Variants in KCNK16 observed in about 807,000 individuals in gnomAD.
The protein encoded by KCNK16 is potassium channel subfamily K member 16.
KCNK16 carries 23 observed loss-of-function variants against 23.0 expected under a neutral mutation model. The observed-to-expected ratio is 1.00, with a 90% confidence interval of 0.72 to 1.41. KCNK16 has a LOEUF of 1.41. Among genes scored for constraint, KCNK16 ranks in the 40% most tolerant of loss-of-function variants. The probability of loss-of-function intolerance (pLI) is 0.00; values close to 1 mark genes in which losing one functional copy is unlikely to be tolerated. For synonymous variants in KCNK16, 145 were observed against 153.5 expected (o/e 0.94, Z 0.41); for missense variants, 327 against 365.8 (o/e 0.89, Z 0.87).
chr6:39,320,129 C>T (rs1224537239), intron 1 of KCNK16, among the ~76,000 whole-genome samples: 1 of 152,152 alleles, frequency 6.6e-6, no homozygotes, highest in Non-Finnish European at 1.5e-5. Flanking sequence ...AACCAGTTCC[C>T]GCTGGCTGGG....
downstream of KCNK16, chr6:39,315,570 C>T (rs868479495): frequency 4.5e-5 from 31 of 693,310 alleles, no homozygotes; most frequent in Middle Eastern, 4.0e-4. Context: ...TGCCCCTCGG[C>T]TGAGAGCTTC....
intron 2 of KCNK16, among the ~76,000 whole-genome samples, chr6:39,318,756 G>A (rs1422582208): frequency 3.9e-5 from 6 of 152,126 alleles, no homozygotes; most frequent in Admixed American, 3.9e-4. Flanking sequence ...CTTGTCCCTC[G>A]CTGGACCGTT....
intron 1 of KCNK16, among the ~76,000 whole-genome samples, chr6:39,320,426 G>A (rs1762473311): frequency 1.3e-5 from 2 of 152,198 alleles, no homozygotes; most frequent in African/African-American, 4.8e-5. Flanking sequence ...GAGTGCCGGT[G>A]GGCGGATGCA....
At chr6:39,314,957 T>C (rs199976610), downstream of KCNK16, 39 of 1,513,452 alleles carry the variant, frequency 2.6e-5, no homozygotes, top group Non-Finnish European at 3.4e-5. Context: ...TCCCTCTACC[T>C]GGAGTGGAGG....
Position 39,316,204 on chromosome 6 carries a change from C to A in KCNK16, c.*15G>T, listed in dbSNP as rs1535499. 4.7e-6 allele frequency: 7 copies of A among 1,484,158 alleles called. No homozygotes were observed. Among genetic ancestry groups the A allele is most frequent in the East Asian group, 2.5e-5 (1 of 39,756 alleles). The allele number at this position is 1,484,158 out of a possible 1,614,324, so 91.9% of individuals were successfully genotyped here. On this transcript the variant is annotated 3_prime_UTR_variant, in exon 5 of 5. Coordinates refer to ENST00000437525, the MANE Select transcript of KCNK16 (RefSeq NM_001135106.2). ...GGGGAGGATGAAAGGGGTTTCTGGG[C>A]CCCCCCCGGGGGCCTCATGCAGAGA... is the stretch of plus-strand genomic sequence containing the variant.
chr6:39,318,585 C>T (rs1013622838), intron 2 of KCNK16, among the ~76,000 whole-genome samples: 1 of 152,132 alleles, frequency 6.6e-6, no homozygotes, highest in African/African-American at 2.4e-5. Context: ...AAATCAACCC[C>T]CGCTCCCAGT....
downstream of KCNK16, chr6:39,315,101 C>T (rs9471065): frequency 4.8e-3 from 7,748 of 1,614,184 alleles, 163 homozygotes; most frequent in African/African-American, 0.059. Flanking sequence ...TGCCTGGAGC[C>T]GCCTTGGCTC....
At position 39,316,337 on chromosome 6, in the gene KCNK16, A is replaced by G. The variant is rs1554192620; in HGVS notation, c.767T>C (p.Leu256Pro). The G allele has an allele frequency of 6.2e-7, 1 of 1,611,830 alleles. No homozygotes were observed. Among genetic ancestry groups the G allele is most frequent in the South Asian group, 1.1e-5 (1 of 90,394 alleles). ...GAGCTGGCAGCATCTGTGCAGAAGCAGGGGGCCCAGTGGGAGGATCAGCGC... is the reference window on the plus strand; with the variant it reads ...GAGCTGGCAGCATCTGTGCAGAAGCGGGGGGCCCAGTGGGAGGATCAGCGC... ...WLALILPLGP[L>P]LLHRCCQLWL... Residue 256 changes from leucine (L) to proline (P), a missense_variant, in exon 5 of 5, where the codon CTG (leucine) becomes CCG (proline). Transcript: ENST00000437525.
Position 39,322,566 on chromosome 6 carries a change from CGTG to C in KCNK16, c.-29_-27del. On this transcript the variant is annotated 5_prime_UTR_variant, in exon 1 of 5. Transcript: ENST00000437525. Reference sequence around the variant, plus strand: ...GCTGTGGCCAGGACCCTGCCAGGGCCGTGGGGCTGGCTATGGGGGAGAGGTGGG... The same window carrying C: ...GCTGTGGCCAGGACCCTGCCAGGGCCGGGCTGGCTATGGGGGAGAGGTGGG... The C allele has an allele frequency of 6.4e-7, 1 of 1,561,622 alleles. No homozygotes were observed. Among genetic ancestry groups the C allele is most frequent in the Non-Finnish European group, 8.6e-7 (1 of 1,158,178 alleles).
Position 39,316,205 on chromosome 6 carries a change from C to T in KCNK16, c.*14G>A, listed in dbSNP as rs369729931. On this transcript the variant is annotated 3_prime_UTR_variant, in exon 5 of 5. Coordinates refer to ENST00000437525, the MANE Select transcript of KCNK16 (RefSeq NM_001135106.2). ...GGGAGGATGAAAGGGGTTTCTGGGC[C>T]CCCCCCGGGGGCCTCATGCAGAGAT... The T allele has an allele frequency of 8.7e-6, 13 of 1,502,460 alleles. No individual in the cohort carries two copies. The Admixed American group carries it at 1.7e-4, about 19-fold the overall frequency. The allele number at this position is 1,502,460 out of a possible 1,614,324, so 93.1% of individuals were successfully genotyped here.
At chr6:39,314,773 G>C (rs1007939632), downstream of KCNK16, 3 of 530,346 alleles carry the variant, frequency 5.7e-6, no homozygotes, top group African/African-American at 5.7e-5. Flanking sequence ...TATCTCCAAG[G>C]ACTTGCTGTC....
At chr6:39,317,615 C>T (rs1762366602) in intron 3 of KCNK16, among the ~76,000 whole-genome samples, 171 bp downstream of exon 3, 2 of 152,230 alleles carry the variant, frequency 1.3e-5, no homozygotes, top group African/African-American at 4.8e-5. Context: ...GTAGAGCATG[C>T]ATAGAGATCC....
At chr6:39,321,155 G>A (rs1321713127) in intron 1 of KCNK16, among the ~76,000 whole-genome samples, 1 of 152,188 alleles carries the variant, frequency 6.6e-6, no homozygotes, top group Non-Finnish European at 1.5e-5. Context: ...TAGAGTTCCT[G>A]AGTCGGCAGG....
chr6:39,322,558 G>GC lies in KCNK16; in HGVS notation c.-19dup. The GC allele has an allele frequency of 1.3e-6, 2 of 1,572,732 alleles. No homozygotes were observed. Among genetic ancestry groups the GC allele is most frequent in the Non-Finnish European group, 1.7e-6 (2 of 1,163,534 alleles). ...CTGGGCATGCTGTGGCCAGGACCCT[G>GC]CCAGGGCCGTGGGGCTGGCTATGGG... On this transcript the variant is annotated 5_prime_UTR_variant, in exon 1 of 5. Coordinates refer to ENST00000437525, the MANE Select transcript of KCNK16 (RefSeq NM_001135106.2).
rs1762443425 is a variant in KCNK16 at position 39,319,694 on chromosome 6, C to G, written c.214-561G>C. Among the ~76,000 whole-genome samples the G allele has an allele frequency of 6.6e-6, 1 of 151,950 alleles. No individual in the cohort carries two copies. The highest frequency in any genetic ancestry group is 2.4e-5 in the African/African-American group (1 of 41,344). ...TGCTGCTCTCTAGTGAGCCTCAGCCCTTGCCTATGGGAGAAATTCTAACAG... is the reference window on the plus strand; with the variant it reads ...TGCTGCTCTCTAGTGAGCCTCAGCCGTTGCCTATGGGAGAAATTCTAACAG... On this transcript the variant is annotated intron_variant, in intron 1 of 4. Transcript: ENST00000437525. This position sits in a 1 kb window ranked among gnomAD's most constrained non-coding sequence, Gnocchi z 4.2.
downstream of KCNK16, chr6:39,315,575 A>G: frequency 1.5e-6 from 1 of 675,030 alleles, no homozygotes. Context: ...CTCGGCTGAG[A>G]GCTTCCTGAG....
intron 1 of KCNK16, among the ~76,000 whole-genome samples, chr6:39,320,513 C>A (rs1282512949): frequency 6.6e-6 from 1 of 152,228 alleles, no homozygotes; most frequent in Non-Finnish European, 1.5e-5. Flanking sequence ...ATGTTTAATA[C>A]TGCTTTTAAT....
intron 3 of KCNK16, 80 bp downstream of exon 3, chr6:39,317,706 C>T: frequency 1.4e-6 from 2 of 1,423,796 alleles, no homozygotes; most frequent in African/African-American, 1.4e-5. Context: ...TGCCAAACTC[C>T]ATCTCAGCAT....
downstream of KCNK16, among the ~76,000 whole-genome samples, chr6:39,315,770 G>A (rs1197909016): frequency 3.3e-5 from 5 of 152,138 alleles, no homozygotes; most frequent in East Asian, 9.6e-4. Flanking sequence ...GCACATCAAG[G>A]GCAGGCACTT....
Sources: gnomAD v4.1 joint callset for allele counts (sites outside exome capture counted in the v4.1 genomes callset) on GRCh38, gnomAD v4.1.1 for gene constraint, Gnocchi (gnomAD v3.1) non-coding constraint, MANE v1.5 for transcripts, NCBI Gene and HGNC (gene_info 2026-07-23, HGNC 2026-07-21) for gene names.